Variants in CAGE1 observed in about 807,000 individuals in gnomAD.
The protein encoded by CAGE1 is cancer-associated gene 1 protein.
A neutral mutation model predicts 94.9 loss-of-function variants in CAGE1; 66 were observed. The observed-to-expected ratio is 0.70, with a 90% CI of 0.57 to 0.85. The LOEUF is 0.85. Ranked by LOEUF, CAGE1 falls within the 40% of genes least tolerant of loss-of-function variation. The probability of loss-of-function intolerance (pLI) is 0.00; values close to 1 mark genes in which losing one functional copy is unlikely to be tolerated. For missense variants in CAGE1, 865 were observed against 950.4 expected (o/e 0.91, Z 1.18); for synonymous variants, 319 against 321.0 (o/e 0.99, Z 0.07).
chr6:7,351,917 C>T (rs2113400597), intron 11 of CAGE1, among the ~76,000 whole-genome samples: 1 of 152,276 alleles, frequency 6.6e-6, no homozygotes, highest in South Asian at 2.1e-4. Context: ...AAACCCACAG[C>T]CAACATAATA....
chr6:7,386,500 G>C (rs1429379308), intron 2 of CAGE1, among the ~76,000 whole-genome samples: 4 of 152,222 alleles, frequency 2.6e-5, no homozygotes, highest in African/African-American at 9.6e-5. Context: ...AGATGCATTA[G>C]ACTAGAAGTC....
At chr6:7,367,202 A>G (rs1760371837) in intron 7 of CAGE1, among the ~76,000 whole-genome samples, 1 of 150,716 alleles carries the variant, frequency 6.6e-6, no homozygotes. Context: ...ACATCATATC[A>G]CCTGTCAATA....
At chr6:7,366,858 A>G (rs79054894) in intron 7 of CAGE1, among the ~76,000 whole-genome samples, 1,911 of 152,242 alleles carry the variant, frequency 0.013, 37 homozygotes, top group African/African-American at 0.044. Flanking sequence ...TTATCCTAAC[A>G]TAACGATTGT....
chr6:7,337,559 T>A (rs1191255251), intron 11 of CAGE1, among the ~76,000 whole-genome samples: 1 of 152,166 alleles, frequency 6.6e-6, no homozygotes, highest in Non-Finnish European at 1.5e-5. Flanking sequence ...AGTGTATAAA[T>A]CAAAGTTAAT....
At chr6:7,357,881 C>A (rs935827309) in intron 9 of CAGE1, among the ~76,000 whole-genome samples, 1 of 151,206 alleles carries the variant, frequency 6.6e-6, no homozygotes, top group African/African-American at 2.4e-5. Flanking sequence ...GCAACCTCTG[C>A]CTCCAGGGTT....
At chr6:7,338,799 A>C in intron 11 of CAGE1, 1 of 838,634 alleles carries the variant, frequency 1.2e-6, no homozygotes, top group Non-Finnish European at 2.1e-6. Flanking sequence ...TTTACAGAGC[A>C]ACATCCAGAC....
rs368970484 is a variant in CAGE1, at chr6:7,386,976, C to T, written c.195+3G>A. On this transcript the variant is annotated splice_donor_region_variant and intron_variant, in intron 2 of 13. Coordinates refer to ENST00000502583, the MANE Select transcript of CAGE1 (RefSeq NM_001170692.2). Reference sequence around the variant, plus strand: ...CCTCCTGGAACTTATAAGCAATGCACACCTGAGGCAAGTCACAAGTGGTGC... The same window carrying T: ...CCTCCTGGAACTTATAAGCAATGCATACCTGAGGCAAGTCACAAGTGGTGC... 105 of 1,544,902 alleles carry T rather than the reference C, an allele frequency of 6.8e-5. No individual in the cohort carries two copies. The African/African-American group carries it at 1.2e-3, about 18-fold the overall frequency.
At chr6:7,359,197 C>A (rs1030150718) in intron 9 of CAGE1, among the ~76,000 whole-genome samples, 1 of 152,186 alleles carries the variant, frequency 6.6e-6, no homozygotes, top group Non-Finnish European at 1.5e-5. Flanking sequence ...CAGGCATGTG[C>A]CACCATGCCC....
At chr6:7,372,479 A>AG (rs1760571938) in intron 5 of CAGE1, among the ~76,000 whole-genome samples, 1 of 151,630 alleles carries the variant, frequency 6.6e-6, no homozygotes, top group Non-Finnish European at 1.5e-5. Context: ...AAAAAAAAAA[A>AG]AAAAAAGTAA....
chr6:7,334,205 T>C (rs1383051464), intron 11 of CAGE1, 115 bp from the exon 12 acceptor site: 3 of 600,018 alleles, frequency 5.0e-6, no homozygotes, highest in African/African-American at 3.8e-5. Context: ...ATTATCTATA[T>C]GCTATCCAAC....
At chr6:7,337,375 C>T (rs1391236926) in intron 11 of CAGE1, among the ~76,000 whole-genome samples, 6 of 148,024 alleles carry the variant, frequency 4.1e-5, no homozygotes, top group Non-Finnish European at 7.4e-5. Flanking sequence ...TTGATGAAGT[C>T]GAATTTATTA....
At chr6:7,342,524 T>C (rs1269140793) in intron 11 of CAGE1, among the ~76,000 whole-genome samples, 1 of 152,172 alleles carries the variant, frequency 6.6e-6, no homozygotes, top group African/African-American at 2.4e-5. Context: ...CGGGTATCTG[T>C]AGTGGCTCCT....
At chr6:7,352,290 C>CAAAAAAAAAAAAAAAAAAAAA (rs77426667) in intron 11 of CAGE1, among the ~76,000 whole-genome samples, 2 of 43,632 alleles carry the variant, frequency 4.6e-5, no homozygotes, top group Admixed American at 2.9e-4. Context: ...ACAATAGCTG[C>CAAAAAAAAAAAAAAAAAAAAA]AAAAAAAAAA....
chr6:7,334,026 GT>G lies in CAGE1; in HGVS notation c.2433del (p.Lys811AsnfsTer7). ...LIRKPREKARKPRSKSLENHP... is the reference protein window; with the variant it reads ...LIRKPREKARXPRSKSLENHP... Reference sequence around the variant, plus strand: ...TAAAAATAAAGGGAAACTTACCTTGGTTTTCTGGCTTTTTCTCTGGGCTTTC... The same window carrying G: ...TAAAAATAAAGGGAAACTTACCTTGGTTTCTGGCTTTTTCTCTGGGCTTTC... On this transcript the variant is annotated frameshift_variant, in exon 12 of 14. Coordinates refer to ENST00000502583, the MANE Select transcript of CAGE1 (RefSeq NM_001170692.2). LOFTEE classifies it high-confidence loss of function. 1 of 1,524,180 alleles carries G rather than the reference GT, an allele frequency of 6.6e-7. No individual in the cohort carries two copies. The allele number at this position is 1,524,180 out of a possible 1,614,324, so 94.4% of individuals were successfully genotyped here.
intron 9 of CAGE1, 115 bp downstream of exon 9, chr6:7,365,353 A>C (rs1760291933): frequency 1.4e-6 from 1 of 722,444 alleles, no homozygotes; most frequent in African/African-American, 1.8e-5. Flanking sequence ...CCATGATGCC[A>C]GTGTGTGACC....
intron 11 of CAGE1, among the ~76,000 whole-genome samples, chr6:7,345,681 A>G (rs1759468210): frequency 6.6e-6 from 1 of 152,128 alleles, no homozygotes; most frequent in South Asian, 2.1e-4. Flanking sequence ...TAATCCCAGC[A>G]CTTTGGGAGG....
intron 11 of CAGE1, among the ~76,000 whole-genome samples, chr6:7,337,074 G>A (rs1186484060): frequency 6.6e-6 from 1 of 152,020 alleles, no homozygotes; most frequent in East Asian, 1.9e-4. Context: ...TGTAATCCCA[G>A]CACTTTGGGA....
At chr6:7,332,949 T>C (rs1007780528) in intron 12 of CAGE1, among the ~76,000 whole-genome samples, 1 of 152,160 alleles carries the variant, frequency 6.6e-6, no homozygotes, top group African/African-American at 2.4e-5. Context: ...GTGTTCTTTT[T>C]TTTTTCTTTT....
rs1003389554 is a variant in CAGE1, at chr6:7,367,518, G to A, written c.2004+1170C>T. ...TCAAACTCCTGGGCTCAGGCCATCCGCCTCCCTCAGCCTCCCAAAATGCTG... is the reference window on the plus strand; with the variant it reads ...TCAAACTCCTGGGCTCAGGCCATCCACCTCCCTCAGCCTCCCAAAATGCTG... On this transcript the variant is annotated intron_variant, in intron 7 of 13. Transcript: ENST00000502583. Among the ~76,000 whole-genome samples the A allele has an allele frequency of 3.9e-5, 6 of 152,030 alleles. 1 individual carries two copies. The South Asian group carries it at 6.2e-4, about 16-fold the overall frequency.
Sources: allele counts gnomAD v4.1 joint callset (sites outside exome capture counted in the v4.1 genomes callset), GRCh38; gene constraint gnomAD v4.1.1; transcripts MANE v1.5; gene names NCBI Gene and HGNC (gene_info 2026-07-23, HGNC 2026-07-21).